Variants in OR51G1 observed in about 807,000 individuals in gnomAD.
OR51G1 encodes the protein olfactory receptor 51G1.
For missense variants in OR51G1, 454 were observed against 396.0 expected, an observed-to-expected ratio of 1.15 and a Z score of -1.24; for synonymous variants, 163 against 156.9, an observed-to-expected ratio of 1.04 and a Z score of -0.29.
In OR51G1 at chr11:4,924,244, G is replaced by T; in HGVS notation, c.96C>A (p.Pro32=). 1 of 1,614,194 alleles carries T rather than the reference G, an allele frequency of 6.2e-7. No homozygotes were observed. Among genetic ancestry groups the T allele is most frequent in the Non-Finnish European group, 8.5e-7 (1 of 1,180,028 alleles). Residue 32 remains proline, a synonymous_variant, in exon 1 of 1, where the codon CCC becomes CCA. Transcript: ENST00000623849. The part of the protein sequence containing the change: ...LEGLHGWISI[P]FCFIYLTVIL... ...TAACTGTCAGGTAGATGAAGCAGAA[G>T]GGAATAGAGATCCAGCCATGGAGAC...
rs139416251 is a variant in OR51G1, at chr11:4,923,841, G to A, written c.499C>T (p.Arg167Cys). The change falls in exon 1 of 1, where the codon CGC becomes TGC. Residue 167 changes from arginine to cysteine, a missense_variant. By Grantham distance (180) the Arg-to-Cys change is radical (BLOSUM62 -3). Transcript: ENST00000623849. ...LILPLPFLLK[R>C]FQYCHSHVLA... ...ACATGGGAGTGGCAGTATTGGAAGC[G>A]CTTCAGGAGGAATGGCAAGGGGAGG... is the stretch of plus-strand genomic sequence containing the variant. 3.3e-5 allele frequency: 54 copies of A among 1,613,834 alleles called. No homozygotes were observed. The highest frequency in any genetic ancestry group is 1.2e-4 in the Admixed American group (7 of 59,988).
At position 4,923,832 on chromosome 11, in the gene OR51G1, A is replaced by G. The variant is rs1047402995; in HGVS notation, c.508T>C (p.Tyr170His). Reference protein sequence around the residue: ...PLPFLLKRFQYCHSHVLAHAY... With the variant: ...PLPFLLKRFQHCHSHVLAHAY... ...TGAGCCAGCACATGGGAGTGGCAGTATTGGAAGCGCTTCAGGAGGAATGGC... is the reference window on the plus strand; with the variant it reads ...TGAGCCAGCACATGGGAGTGGCAGTGTTGGAAGCGCTTCAGGAGGAATGGC... Residue 170 changes from tyrosine (Y) to histidine (H), a missense_variant, in exon 1 of 1, where the codon TAC (tyrosine) becomes CAC (histidine). By Grantham distance (83) the Tyr-to-His change is moderately conservative (BLOSUM62 2). Transcript: ENST00000623849. The G allele has an allele frequency of 6.2e-7, 1 of 1,613,972 alleles. No individual in the cohort carries two copies. The highest frequency in any genetic ancestry group is 8.5e-7 in the Non-Finnish European group (1 of 1,179,994).
rs770401515 is a variant in OR51G1, at chr11:4,924,059, A to G, written c.281T>C (p.Ile94Thr). ...LGIFWFDTRE[I>T]GIPACFTQLF... Reference sequence around the variant, plus strand: ...CTGAGTGAAACAGGCAGGGATGCCAATCTCTCTGGTATCAAACCAGAAAAT... The same window carrying G: ...CTGAGTGAAACAGGCAGGGATGCCAGTCTCTCTGGTATCAAACCAGAAAAT... The change falls in exon 1 of 1, where the codon ATT becomes ACT. Residue 94 changes from isoleucine (I) to threonine (T), a missense_variant. Transcript: ENST00000623849. The G allele has an allele frequency of 2.5e-6, 4 of 1,614,056 alleles. No homozygotes were observed. Among genetic ancestry groups the G allele is most frequent in the Non-Finnish European group, 2.5e-6 (3 of 1,180,046 alleles).
chr11:4,924,301 A>G lies in OR51G1; in HGVS notation c.39T>C (p.Thr13=). Residue 13 remains threonine, a synonymous_variant, in exon 1 of 1, where the codon ACT becomes ACC. Transcript: ENST00000623849. The part of the protein sequence containing the change: ...ILLNSSLQRA[T]FFLTGFQGLE... ...GACCTTGGAAGCCCGTCAGGAAGAA[A>G]GTGGCTCTTTGGAGGCTGCTATTAA... 6.2e-7 allele frequency: 1 copy of G among 1,613,056 alleles called. No homozygotes were observed. Among genetic ancestry groups the G allele is most frequent in the Non-Finnish European group, 8.5e-7 (1 of 1,179,602 alleles).
In OR51G1 at chr11:4,923,456, C is replaced by A. The variant is rs1329267337; in HGVS notation, c.884G>T (p.Ser295Ile). ...CTGGCGAATTTGCTTGGTCTTGATG[C>A]TGTAGATGATGGGGTTCATAAGGGG... Reference protein sequence around the residue: ...VPPLMNPIIYSIKTKQIRQRI... With the variant: ...VPPLMNPIIYIIKTKQIRQRI... Residue 295 changes from serine to isoleucine, a missense_variant, in exon 1 of 1, where the codon AGC becomes ATC. Coordinates refer to ENST00000623849, the MANE Select transcript of OR51G1 (RefSeq NM_001005237.1). 1.2e-6 allele frequency: 2 copies of A among 1,611,936 alleles called. No homozygotes were observed. The highest frequency in any genetic ancestry group is 1.7e-6 in the Non-Finnish European group (2 of 1,178,768).
chr11:4,923,412 G>A lies in OR51G1; in HGVS notation c.928C>T (p.Gln310Ter). Residue 310 changes from glutamine (Q) to a stop codon, truncating the protein, a stop_gained, in exon 1 of 1, where the codon CAG (glutamine) becomes TAG (stop). Transcript: ENST00000623849. LOFTEE classifies it high-confidence loss of function. ...QIRQRIIKKFQFIKSLRCFWK... is the reference protein window; with the variant it reads ...QIRQRIIKKF ...AAACACCTAAGTGACTTTATAAACT[G>A]AAACTTCTTAATGATGCGCTGGCGA... is the stretch of plus-strand genomic sequence containing the variant. 1 of 1,578,364 alleles carries A rather than the reference G, an allele frequency of 6.3e-7. No individual in the cohort carries two copies. The highest frequency in any genetic ancestry group is 8.6e-7 in the Non-Finnish European group (1 of 1,162,350).
At position 4,923,589 on chromosome 11, in the gene OR51G1, G is replaced by A. The variant is rs1456824582; in HGVS notation, c.751C>T (p.Leu251=). The part of the protein sequence containing the change: ...NTCVSHICAV[L]LFYIPMIGLS... ...CCAATCATGGGGATGTAGAAGAGCA[G>A]TACAGCACAGATATGAGAGACACAG... is the stretch of plus-strand genomic sequence containing the variant. Residue 251 remains leucine, a synonymous_variant, in exon 1 of 1, where the codon CTG becomes TTG. Coordinates refer to ENST00000623849, the MANE Select transcript of OR51G1 (RefSeq NM_001005237.1). 1.2e-6 allele frequency: 2 copies of A among 1,614,110 alleles called. No individual in the cohort carries two copies. The highest frequency in any genetic ancestry group is 1.7e-6 in the Non-Finnish European group (2 of 1,180,026).
Position 4,924,210 on chromosome 11 carries a change from T to C in OR51G1, c.130A>G (p.Asn44Asp). The change falls in exon 1 of 1, where the codon AAC becomes GAC. Residue 44 changes from asparagine (N) to aspartate (D), a missense_variant. Transcript: ENST00000623849. The part of the protein sequence containing the change: ...CFIYLTVILG[N>D]LTILHVICTD... Reference sequence around the variant, plus strand: ...CAAATGACGTGGAGAATGGTGAGGTTCCCCAAGATAACTGTCAGGTAGATG... The same window carrying C: ...CAAATGACGTGGAGAATGGTGAGGTCCCCCAAGATAACTGTCAGGTAGATG... The C allele has an allele frequency of 6.2e-7, 1 of 1,614,072 alleles. No individual in the cohort carries two copies. The highest frequency in any genetic ancestry group is 8.5e-7 in the Non-Finnish European group (1 of 1,180,018).
chr11:4,924,232 G>C lies in OR51G1; in HGVS notation c.108C>G (p.Ile36Met), dbSNP rs755502785. The part of the protein sequence containing the change: ...HGWISIPFCF[I>M]YLTVILGNLT... ...GGTTCCCCAAGATAACTGTCAGGTA[G>C]ATGAAGCAGAAGGGAATAGAGATCC... Residue 36 changes from isoleucine to methionine, a missense_variant, in exon 1 of 1, where the codon ATC becomes ATG. By Grantham distance (10) the Ile-to-Met change is conservative (BLOSUM62 1). Transcript: ENST00000623849. The C allele has an allele frequency of 2.5e-5, 40 of 1,614,092 alleles. No homozygotes were observed. The Admixed American group carries it at 5.5e-4, about 22-fold the overall frequency.
chr11:4,923,601 T>C lies in OR51G1; in HGVS notation c.739A>G (p.Ile247Val), dbSNP rs746223878. 1 of 1,613,738 alleles carries C rather than the reference T, an allele frequency of 6.2e-7. No individual in the cohort carries two copies. Among genetic ancestry groups the C allele is most frequent in the Non-Finnish European group, 8.5e-7 (1 of 1,179,928 alleles). The change falls in exon 1 of 1, where the codon ATC becomes GTC. Residue 247 changes from isoleucine (I) to valine (V), a missense_variant. Ile to Val is a conservative substitution (Grantham distance 29, BLOSUM62 3). Coordinates refer to ENST00000623849, the MANE Select transcript of OR51G1 (RefSeq NM_001005237.1). ...LRALNTCVSH[I>V]CAVLLFYIPM... ...ATGTAGAAGAGCAGTACAGCACAGA[T>C]ATGAGAGACACAGGTGTTGAGGGCT...
chr11:4,924,087 CCAGCA>C lies in OR51G1; in HGVS notation c.248_252del (p.Val83GlyfsTer6), dbSNP rs1564808189. 3 of 1,614,072 alleles carry C rather than the reference CCAGCA, an allele frequency of 1.9e-6. No individual in the cohort carries two copies. The highest frequency in any genetic ancestry group is 2.2e-5 in the South Asian group (2 of 91,078). ...TCTCTGGTATCAAACCAGAAAATGC[CCAGCA>C]CAGTGGGCAGTGTGGAAAGGCAAAG... On this transcript the variant is annotated frameshift_variant, in exon 1 of 1. Coordinates refer to ENST00000623849, the MANE Select transcript of OR51G1 (RefSeq NM_001005237.1). LOFTEE classifies it low-confidence loss of function (END_TRUNC).
In OR51G1 at chr11:4,923,918, G is replaced by A; in HGVS notation, c.422C>T (p.Ala141Val). ...GCTTAGCCCCATCTTGACAATACAT[G>A]CAGGTGTCAGGACGGTGGAGTCATG... is the stretch of plus-strand genomic sequence containing the variant. ...PLHDSTVLTP[A>V]CIVKMGLSSV... The change falls in exon 1 of 1, where the codon GCA becomes GTA. Residue 141 changes from alanine (A) to valine (V), a missense_variant. Physicochemically the swap from Ala to Val is moderately conservative, Grantham distance 64 (BLOSUM62 0). Coordinates refer to ENST00000623849, the MANE Select transcript of OR51G1 (RefSeq NM_001005237.1). 1 of 1,614,116 alleles carries A rather than the reference G, an allele frequency of 6.2e-7. No individual in the cohort carries two copies. The highest frequency in any genetic ancestry group is 8.5e-7 in the Non-Finnish European group (1 of 1,180,016).
chr11:4,924,290 G>C lies in OR51G1; in HGVS notation c.50C>G (p.Thr17Arg), dbSNP rs376397711. Residue 17 changes from threonine to arginine, a missense_variant, in exon 1 of 1, where the codon ACG becomes AGG. By Grantham distance (71) the Thr-to-Arg change is moderately conservative. Transcript: ENST00000623849. ...GAGACCTTCTAGACCTTGGAAGCCC[G>C]TCAGGAAGAAAGTGGCTCTTTGGAG... is the stretch of plus-strand genomic sequence containing the variant. ...SSLQRATFFL[T>R]GFQGLEGLHG... 2 of 1,613,476 alleles carry C rather than the reference G, an allele frequency of 1.2e-6. No individual in the cohort carries two copies. Among genetic ancestry groups the C allele is most frequent in the East Asian group, 2.2e-5 (1 of 44,864 alleles).
Position 4,924,080 on chromosome 11 carries a change from A to G in OR51G1, c.260T>C (p.Phe87Ser). 1 of 1,614,178 alleles carries G rather than the reference A, an allele frequency of 6.2e-7. No homozygotes were observed. The highest frequency in any genetic ancestry group is 2.2e-5 in the East Asian group (1 of 44,840). ...LSTLPTVLGI[F>S]WFDTREIGIP... is the part of the protein sequence containing the mutation. ...GCCAATCTCTCTGGTATCAAACCAG[A>G]AAATGCCCAGCACAGTGGGCAGTGT... The change falls in exon 1 of 1, where the codon TTC (phenylalanine) becomes TCC (serine). Residue 87 changes from phenylalanine to serine, a missense_variant. By Grantham distance (155) the Phe-to-Ser change is radical. Coordinates refer to ENST00000623849, the MANE Select transcript of OR51G1 (RefSeq NM_001005237.1).
rs1317166020 is a variant in OR51G1 at position 4,924,200 on chromosome 11, A to T, written c.140T>A (p.Ile47Asn). 1.2e-6 allele frequency: 2 copies of T among 1,614,084 alleles called. No individual in the cohort carries two copies. The highest frequency in any genetic ancestry group is 4.5e-5 in the East Asian group (2 of 44,884). ...GGCATCAGTACAAATGACGTGGAGA[A>T]TGGTGAGGTTCCCCAAGATAACTGT... ...YLTVILGNLT[I>N]LHVICTDATL... The change falls in exon 1 of 1, where the codon ATT becomes AAT. Residue 47 changes from isoleucine (I) to asparagine (N), a missense_variant. Coordinates refer to ENST00000623849, the MANE Select transcript of OR51G1 (RefSeq NM_001005237.1).
At position 4,923,424 on chromosome 11, in the gene OR51G1, TGA is replaced by T; in HGVS notation, c.914_915del (p.Ile305AsnfsTer2). 21 of 1,593,150 alleles carry T rather than the reference TGA, an allele frequency of 1.3e-5. No homozygotes were observed. Among genetic ancestry groups the T allele is most frequent in the Non-Finnish European group, 1.8e-5 (21 of 1,168,840 alleles). On this transcript the variant is annotated frameshift_variant, in exon 1 of 1. Coordinates refer to ENST00000623849, the MANE Select transcript of OR51G1 (RefSeq NM_001005237.1). LOFTEE classifies it low-confidence loss of function (END_TRUNC). ...GACTTTATAAACTGAAACTTCTTAATGATGCGCTGGCGAATTTGCTTGGTCTT... is the reference window on the plus strand; with the variant it reads ...GACTTTATAAACTGAAACTTCTTAATTGCGCTGGCGAATTTGCTTGGTCTT... The part of the protein sequence containing the change: ...SIKTKQIRQR[I>X]IKKFQFIKSL...
In OR51G1 at chr11:4,923,776, C is replaced by G. The variant is rs1347366002; in HGVS notation, c.564G>C (p.Lys188Asn). The stretch of plus-strand genomic sequence containing the variant: ...TGACAATGATGCTAGAGCAGGCCAG[C>G]TTCATGATCTCCAGGTGAAGACAAT... ...HAYCLHLEIMKLACSSIIVNH... is the reference protein window; with the variant it reads ...HAYCLHLEIMNLACSSIIVNH... The change falls in exon 1 of 1, where the codon AAG becomes AAC. Residue 188 changes from lysine (K) to asparagine (N), a missense_variant. Lys to Asn is a moderately conservative substitution (Grantham distance 94, BLOSUM62 0). Transcript: ENST00000623849. 6.2e-7 allele frequency: 1 copy of G among 1,614,030 alleles called. No homozygotes were observed. The highest frequency in any genetic ancestry group is 8.5e-7 in the Non-Finnish European group (1 of 1,180,016).
At position 4,923,734 on chromosome 11, in the gene OR51G1, G is replaced by GAGCC. The variant is rs1454691932; in HGVS notation, c.602_605dup (p.Phe203AlafsTer67). 1 of 1,614,068 alleles carries GAGCC rather than the reference G, an allele frequency of 6.2e-7. No individual in the cohort carries two copies. Among genetic ancestry groups the GAGCC allele is most frequent in the Non-Finnish European group, 8.5e-7 (1 of 1,180,012 alleles). On this transcript the variant is annotated frameshift_variant, in exon 1 of 1. Transcript: ENST00000623849. LOFTEE classifies it low-confidence loss of function (END_TRUNC). ...CACCCACGGTGCAGGCCACAACAAA[G>GAGCC]AGCCCATAGATGTGATTGACAATGA...
In OR51G1 at chr11:4,924,155, T is replaced by C. The variant is rs1246323358; in HGVS notation, c.185A>G (p.Tyr62Cys). 6.2e-7 allele frequency: 1 copy of C among 1,614,100 alleles called. No individual in the cohort carries two copies. Among genetic ancestry groups the C allele is most frequent in the Non-Finnish European group, 8.5e-7 (1 of 1,180,010 alleles). Residue 62 changes from tyrosine to cysteine, a missense_variant, in exon 1 of 1, where the codon TAC becomes TGC. Tyr to Cys is a radical substitution (Grantham distance 194). Transcript: ENST00000623849. The part of the protein sequence containing the change: ...CTDATLHGPM[Y>C]YFLGMLAVTD... ...GACAGCTAGCATGCCCAAGAAATAG[T>C]ACATGGGTCCATGGAGAGTGGCATC...
Sources: allele counts gnomAD v4.1 joint callset, GRCh38; gene constraint gnomAD v4.1.1; transcripts MANE v1.5; gene names NCBI Gene and HGNC (gene_info 2026-07-23, HGNC 2026-07-21).